The following ZC3H12C variants were observed in gnomAD, a reference collection of about 807,000 sequenced individuals.
The protein encoded by ZC3H12C is zinc finger CCCH-type containing 12C.
ZC3H12C carries 20 observed loss-of-function variants against 76.3 expected under a neutral mutation model. The ratio of observed to expected loss-of-function variants is 0.26; its 90% CI spans 0.18 to 0.38. ZC3H12C has a LOEUF of 0.38. Ranked by LOEUF, ZC3H12C falls within the 10% of genes least tolerant of loss-of-function variation. ZC3H12C has a pLI of 1.00. For missense variants in ZC3H12C, 874 were observed against 1,086.5 expected (o/e 0.80, Z 2.75); for synonymous variants, 352 against 399.6 (o/e 0.88, Z 1.42).
intron 2 of ZC3H12C, among the ~76,000 whole-genome samples, chr11:110,144,881 T>C (rs924201433): frequency 1.3e-5 from 2 of 152,226 alleles, no homozygotes; most frequent in Non-Finnish European, 2.9e-5. Flanking sequence ...GTGTCTATCA[T>C]TGGAAGGTAA....
At chr11:110,111,783 C>T (rs11213269) in intron 1 of ZC3H12C, among the ~76,000 whole-genome samples, 1 of 150,942 alleles carries the variant, frequency 6.6e-6, no homozygotes, top group East Asian at 2.0e-4. Flanking sequence ...GCTCAAGCCA[C>T]CCTCTCACCT....
intron 1 of ZC3H12C, among the ~76,000 whole-genome samples, chr11:110,113,977 A>G (rs906724978): frequency 2.0e-5 from 3 of 152,098 alleles, no homozygotes; most frequent in Non-Finnish European, 4.4e-5. Flanking sequence ...GTTTCCCATT[A>G]CCTTGCTAAA....
Position 110,164,448 on chromosome 11 carries a change from G to T in ZC3H12C, c.1363G>T (p.Ala455Ser), listed in dbSNP as rs1397912091. 6.2e-7 allele frequency: 1 copy of T among 1,613,990 alleles called. No individual in the cohort carries two copies. Among genetic ancestry groups the T allele is most frequent in the East Asian group, 2.2e-5 (1 of 44,884 alleles). ...DELRAMSRNT[A>S]AKTANEGGLV... is the part of the protein sequence containing the mutation. The stretch of plus-strand genomic sequence containing the variant: ...ACTCCGTGCCATGTCTAGAAATACG[G>T]CAGCCAAAACTGCAAACGAAGGAGG... The change falls in exon 6 of 6, where the codon GCA becomes TCA. Residue 455 changes from alanine (A) to serine (S), a missense_variant. By Grantham distance (99) the Ala-to-Ser change is moderately conservative. Coordinates refer to ENST00000278590, the MANE Select transcript of ZC3H12C (RefSeq NM_033390.2). The surrounding 1 kb of genome is among the most constrained non-coding windows in gnomAD (Gnocchi z 5.7).
At chr11:110,131,121 T>C in intron 1 of ZC3H12C, 3 of 1,517,410 alleles carry the variant, frequency 2.0e-6, no homozygotes, top group Non-Finnish European at 8.9e-7. Context: ...GTATTTGTGC[T>C]ACTTTAATGC....
rs150146514 is a variant in ZC3H12C, at chr11:110,148,532, G to A, written c.774-4387G>A. Among the ~76,000 whole-genome samples the A allele has an allele frequency of 2.9e-4, 44 of 152,294 alleles. 1 individual carries two copies. The South Asian group carries it at 4.4e-3, about 15-fold the overall frequency. ...CCCACTCAGCCAAAGTAGTCAGAGG[G>A]AGACTTTTTGGCAAACATTCAGAGT... On this transcript the variant is annotated intron_variant, in intron 2 of 5. Transcript: ENST00000278590.
chr11:110,116,816 A>G (rs978643429), intron 1 of ZC3H12C, among the ~76,000 whole-genome samples: 138 of 152,218 alleles, frequency 9.1e-4, no homozygotes, highest in African/African-American at 3.3e-3. Context: ...AAAATGAGAC[A>G]CAGAGAGGTT....
In ZC3H12C at chr11:110,166,041, A is replaced by C. The variant is rs1862579125; in HGVS notation, c.*304A>C. The C allele has an allele frequency of 6.9e-6, 2 of 290,954 alleles. No homozygotes were observed. The highest frequency in any genetic ancestry group is 1.3e-5 in the Non-Finnish European group (2 of 156,306). The allele number at this position is 290,954 out of a possible 1,614,324, so 18.0% of individuals were successfully genotyped here. ...GATCTTTGATATTAATCTTTGGTGC[A>C]TCAGGGGTTTATATGCAGCACTTTT... On this transcript the variant is annotated 3_prime_UTR_variant, in exon 6 of 6. Transcript: ENST00000278590.
intron 1 of ZC3H12C, among the ~76,000 whole-genome samples, chr11:110,129,549 AT>A (rs756759527): frequency 1.3e-4 from 20 of 152,112 alleles, no homozygotes; most frequent in Non-Finnish European, 2.5e-4. Context: ...AAGGAGATTG[AT>A]TTTGATTGTT....
At chr11:110,146,179 AG>A (rs1234998058) in intron 2 of ZC3H12C, among the ~76,000 whole-genome samples, 1 of 152,066 alleles carries the variant, frequency 6.6e-6, no homozygotes. Flanking sequence ...TAGTAGAGAC[AG>A]GGCTTCACCG....
At chr11:110,149,502 C>T (rs1321064018) in intron 2 of ZC3H12C, among the ~76,000 whole-genome samples, 1 of 152,222 alleles carries the variant, frequency 6.6e-6, no homozygotes, top group Non-Finnish European at 1.5e-5. Context: ...AATAGTTATA[C>T]CAATTTACAC....
At chr11:110,134,409 GTT>G (rs932613456) in intron 1 of ZC3H12C, among the ~76,000 whole-genome samples, 2 of 152,074 alleles carry the variant, frequency 1.3e-5, no homozygotes, top group African/African-American at 4.8e-5. Context: ...CTTCCAATAG[GTT>G]TTCCTCGTTT....
rs757487717 is a variant in ZC3H12C at position 110,167,968 on chromosome 11, TAGTCATATTCTA to T, written c.*2234_*2245del. ...TACAAATGTGTAGTATCTTTTATTT[TAGTCATATTCTA>T]AGACTTCTTTTTAGTATGAAATCAC... On this transcript the variant is annotated 3_prime_UTR_variant, in exon 6 of 6. Transcript: ENST00000278590. 11 of 152,216 alleles carry T rather than the reference TAGTCATATTCTA, an allele frequency of 7.2e-5. No homozygotes were observed. The highest frequency in any genetic ancestry group is 1.2e-4 in the Non-Finnish European group (8 of 68,018). 9.4% of individuals were successfully genotyped at this position (152,216 alleles called of 1,614,324 possible).
chr11:110,147,477 C>T (rs981264024), intron 2 of ZC3H12C, among the ~76,000 whole-genome samples: 4 of 151,778 alleles, frequency 2.6e-5, no homozygotes, highest in African/African-American at 4.8e-5. Flanking sequence ...GGAGGGAGAG[C>T]ATTAGGACAA....
At chr11:110,131,291 T>C in intron 1 of ZC3H12C, 1 of 600,678 alleles carries the variant, frequency 1.7e-6, no homozygotes, top group East Asian at 2.8e-5. Flanking sequence ...TTTACACTTT[T>C]CTAGTCTAGA....
intron 4 of ZC3H12C, 58 bp downstream of exon 4, chr11:110,159,548 T>C (rs1862440605): frequency 7.2e-7 from 1 of 1,381,820 alleles, no homozygotes; most frequent in African/African-American, 1.4e-5. Context: ...TAACTATCCC[T>C]GGCAGCTGCT....
At chr11:110,143,272 C>G (rs148277290) in intron 2 of ZC3H12C, among the ~76,000 whole-genome samples, 43 of 152,220 alleles carry the variant, frequency 2.8e-4, no homozygotes, top group Non-Finnish European at 5.6e-4. Context: ...TGCACTTCTT[C>G]CCCCTGCTTA....
At chr11:110,117,997 TATATA>T (rs1861582509) in intron 1 of ZC3H12C, among the ~76,000 whole-genome samples, 1 of 97,464 alleles carries the variant, frequency 1.0e-5, no homozygotes. Context: ...TATACACACA[TATATA>T]TTATATATAT....
intron 1 of ZC3H12C, among the ~76,000 whole-genome samples, chr11:110,119,726 T>C (rs1431705073): frequency 1.3e-5 from 2 of 152,240 alleles, no homozygotes; most frequent in African/African-American, 4.8e-5. Flanking sequence ...GCAGCTTCGA[T>C]GTCTGGTGAA....
intron 1 of ZC3H12C, among the ~76,000 whole-genome samples, chr11:110,132,569 C>T (rs1233952229): frequency 6.6e-6 from 1 of 152,094 alleles, no homozygotes; most frequent in Admixed American, 6.6e-5. Context: ...TTATAGAAAT[C>T]TTCACAAATC....
Sources: allele counts gnomAD v4.1 joint callset (sites outside exome capture counted in the v4.1 genomes callset), GRCh38; gene constraint gnomAD v4.1.1; non-coding constraint Gnocchi (gnomAD v3.1); transcripts MANE v1.5; gene names NCBI Gene and HGNC (gene_info 2026-07-23, HGNC 2026-07-21).